IQGAP3: variants seen among roughly 807,000 people sequenced by gnomAD.
The protein encoded by IQGAP3 is ras GTPase-activating-like protein IQGAP3.
A neutral mutation model predicts 208.2 loss-of-function variants in IQGAP3; 165 were observed. That is an observed-to-expected ratio of 0.79 (90% CI 0.70 to 0.90). The LOEUF is 0.90. Among genes scored for constraint, IQGAP3 ranks in the 40% least tolerant of loss-of-function variants. IQGAP3 has a pLI of 0.00. For missense variants in IQGAP3, 1,811 were observed against 2,043.1 expected (o/e 0.89, Z 2.19); for synonymous variants, 703 against 803.6 (o/e 0.87, Z 2.12).
At chr1:156,532,895 A>T in intron 32 of IQGAP3, 85 bp downstream of exon 32, 2 of 1,462,176 alleles carry the variant, frequency 1.4e-6, no homozygotes, top group East Asian at 2.3e-5. Context: ...AAGAAGGTGG[A>T]ATGGGCGCCT....
chr1:156,526,840 T>C (rs533138241), intron 37 of IQGAP3, among the ~76,000 whole-genome samples: 1 of 152,262 alleles, frequency 6.6e-6, no homozygotes, highest in South Asian at 2.1e-4. Context: ...ATTTTATTTA[T>C]TTATTTTTTT....
intron 4 of IQGAP3, among the ~76,000 whole-genome samples, chr1:156,565,380 T>C (rs1676355683): frequency 6.6e-6 from 1 of 152,248 alleles, no homozygotes; most frequent in Non-Finnish European, 1.5e-5. Flanking sequence ...CTCTATTGCT[T>C]CTGCCTCCCA....
At chr1:156,528,470 C>A in intron 36 of IQGAP3, 39 bp downstream of exon 36, 1 of 1,490,950 alleles carries the variant, frequency 6.7e-7, no homozygotes, top group Non-Finnish European at 9.3e-7. Flanking sequence ...GGTTAGAGGA[C>A]AGGAAGGGGC....
intron 13 of IQGAP3, among the ~76,000 whole-genome samples, chr1:156,552,627 C>T (rs548088327): frequency 6.6e-6 from 1 of 152,228 alleles, no homozygotes; most frequent in Admixed American, 6.5e-5. Context: ...TATCCAAAAT[C>T]TGACTCCTTT....
chr1:156,561,300 T>C (rs1676140452), intron 10 of IQGAP3, among the ~76,000 whole-genome samples: 1 of 152,086 alleles, frequency 6.6e-6, no homozygotes, highest in South Asian at 2.1e-4. Flanking sequence ...TCCAAGTAGC[T>C]GGGATTACAA....
At chr1:156,536,611 T>G (rs1674698426) in intron 27 of IQGAP3, among the ~76,000 whole-genome samples, 2 of 152,166 alleles carry the variant, frequency 1.3e-5, no homozygotes, top group African/African-American at 4.8e-5. Flanking sequence ...TATCTCAAAA[T>G]AGCTAGAAGG....
chr1:156,538,891 T>A lies in IQGAP3; in HGVS notation c.3199A>T (p.Lys1067Ter). Residue 1067 changes from lysine (K) to a stop codon, truncating the protein, a stop_gained, in exon 26 of 38, where the codon AAA (lysine) becomes TAA (stop). Coordinates refer to ENST00000361170, the MANE Select transcript of IQGAP3 (RefSeq NM_178229.5). LOFTEE classifies it high-confidence loss of function. ...GGGTCTGTGTGGACGCTGAGCACTTTGTCTTCTAGCACATCCTGGATAACC... is the reference window on the plus strand; with the variant it reads ...GGGTCTGTGTGGACGCTGAGCACTTAGTCTTCTAGCACATCCTGGATAACC... ...GKVIQDVLED[K>*]VLSVHTDPVH... 1 of 1,614,194 alleles carries A rather than the reference T, an allele frequency of 6.2e-7. No homozygotes were observed. Among genetic ancestry groups the A allele is most frequent in the Non-Finnish European group, 8.5e-7 (1 of 1,180,032 alleles).
At chr1:156,532,957 G>T in intron 32 of IQGAP3, 23 bp downstream of exon 32, 1 of 1,613,374 alleles carries the variant, frequency 6.2e-7, no homozygotes, top group Non-Finnish European at 8.5e-7. Flanking sequence ...AGGTATGCAG[G>T]GGCAGAGGCT....
intron 15 of IQGAP3, among the ~76,000 whole-genome samples, chr1:156,550,678 T>G (rs1238480362): frequency 6.6e-6 from 1 of 152,222 alleles, no homozygotes; most frequent in Non-Finnish European, 1.5e-5. Flanking sequence ...CCTGCTCTTA[T>G]GCCTCAGCCA....
In IQGAP3 at chr1:156,548,248, G is replaced by A. The variant is rs930575808; in HGVS notation, c.2134-5C>T. 3.2e-5 allele frequency: 51 copies of A among 1,612,848 alleles called. No individual in the cohort carries two copies. The highest frequency in any genetic ancestry group is 4.1e-5 in the Non-Finnish European group (48 of 1,179,168). ...AGTGACCTTGGTGACAGCTGACTGT[G>A]GAGGCAGGAGAGAGACGCTGTGGTC... On this transcript the variant is annotated splice_region_variant and splice_polypyrimidine_tract_variant and intron_variant, in intron 18 of 37. Coordinates refer to ENST00000361170, the MANE Select transcript of IQGAP3 (RefSeq NM_178229.5).
In IQGAP3 at chr1:156,544,425, C is replaced by T; in HGVS notation, c.2352G>A (p.Leu784=). Residue 784 remains leucine, a synonymous_variant, in exon 20 of 38, where the codon TTG becomes TTA. Transcript: ENST00000361170. ...CATCCAGGTTTGCTTTAAAATACTG[C>T]AACCACTCCAGGTAAATCTTCCGCT... The part of the protein sequence containing the change: ...YRQRKIYLEW[L]QYFKANLDAI... The T allele has an allele frequency of 6.2e-7, 1 of 1,614,156 alleles. No individual in the cohort carries two copies. Among genetic ancestry groups the T allele is most frequent in the Non-Finnish European group, 8.5e-7 (1 of 1,179,988 alleles).
intron 13 of IQGAP3, among the ~76,000 whole-genome samples, chr1:156,552,376 T>C (rs1326927261): frequency 1.3e-5 from 2 of 152,082 alleles, no homozygotes; most frequent in Admixed American, 6.6e-5. Flanking sequence ...CACCATATGC[T>C]CCCGAAAGCA....
intron 13 of IQGAP3, among the ~76,000 whole-genome samples, chr1:156,552,910 C>T (rs1189332874): frequency 6.6e-6 from 1 of 152,108 alleles, no homozygotes; most frequent in Non-Finnish European, 1.5e-5. Context: ...CCTATCTCTA[C>T]AAAAAATTAA....
chr1:156,558,025 TG>T (rs1205854310), intron 11 of IQGAP3, among the ~76,000 whole-genome samples: 5 of 296 alleles, frequency 0.017, no homozygotes, highest in African/African-American at 0.026. Context: ...GGGAGGGAGG[TG>T]GGGGGGGTCA....
rs1674138924 is a variant in IQGAP3, at chr1:156,527,348, C to CAT, written c.4782+603_4782+604insAT. ...TACACAAAAAGCCGGTGTGGTGGCG[C>CAT]ACGCCTGTAATCCCAGCTACTCAGG... On this transcript the variant is annotated intron_variant, in intron 37 of 37. Coordinates refer to ENST00000361170, the MANE Select transcript of IQGAP3 (RefSeq NM_178229.5). Among the ~76,000 whole-genome samples the CAT allele has an allele frequency of 2.0e-5, 3 of 151,832 alleles. No individual in the cohort carries two copies. In the South Asian group the frequency reaches 6.3e-4, roughly 32 times the overall value.
At chr1:156,543,207 G>C (rs1291392591) in intron 22 of IQGAP3, among the ~76,000 whole-genome samples, 1 of 152,114 alleles carries the variant, frequency 6.6e-6, no homozygotes, top group African/African-American at 2.4e-5. Flanking sequence ...GGGAAGGAGA[G>C]AAAGAAGCTT....
intron 33 of IQGAP3, 144 bp downstream of exon 33, chr1:156,531,016 T>A: frequency 1.4e-6 from 1 of 706,456 alleles, no homozygotes; most frequent in Non-Finnish European, 2.6e-6. Context: ...CCTGTAGGCC[T>A]CCAGAGTTCT....
intron 13 of IQGAP3, among the ~76,000 whole-genome samples, chr1:156,552,912 A>G (rs1422026204): frequency 6.6e-6 from 1 of 152,212 alleles, no homozygotes; most frequent in African/African-American, 2.4e-5. Flanking sequence ...TATCTCTACA[A>G]AAAATTAAAA....
chr1:156,528,780 G>T (rs1401852278), intron 35 of IQGAP3, 136 bp downstream of exon 35: 9 of 1,160,910 alleles, frequency 7.8e-6, no homozygotes, highest in African/African-American at 1.5e-5. Flanking sequence ...GAGGCTCAAA[G>T]ACCAGACTTA....
Sources: gnomAD v4.1 joint callset for allele counts (sites outside exome capture counted in the v4.1 genomes callset) on GRCh38, gnomAD v4.1.1 for gene constraint, MANE v1.5 for transcripts, NCBI Gene and HGNC (gene_info 2026-07-23, HGNC 2026-07-21) for gene names.